Variants in NPAS3 observed in about 807,000 individuals in gnomAD.
The protein encoded by NPAS3 is neuronal PAS domain protein 3.
A neutral mutation model predicts 73.1 loss-of-function variants in NPAS3; 14 were observed. The observed-to-expected ratio is 0.19, with a 90% confidence interval of 0.13 to 0.30. NPAS3 has a LOEUF of 0.30. NPAS3 is among the 10% of genes least tolerant of loss of function. The pLI is 1.00. For missense variants in NPAS3, 1,096 were observed against 1,250.0 expected, an observed-to-expected ratio of 0.88 and a Z score of 1.86; for synonymous variants, 620 against 541.5, an observed-to-expected ratio of 1.14 and a Z score of -2.01.
At chr14:33,752,785 T>A (rs1489576403) in intron 7 of NPAS3, among the ~76,000 whole-genome samples, 1 of 152,170 alleles carries the variant, frequency 6.6e-6, no homozygotes, top group Non-Finnish European at 1.5e-5. Context: ...ATGCATAATA[T>A]GAAATTGAGT....
intron 4 of NPAS3, among the ~76,000 whole-genome samples, chr14:33,533,794 T>A (rs1404167685): frequency 6.8e-6 from 1 of 146,768 alleles, no homozygotes; most frequent in Non-Finnish European, 1.5e-5. Flanking sequence ...ATTGTGAGAA[T>A]TTTTTTAAGG....
chr14:33,620,535 TAGAG>T (rs1032005437), intron 5 of NPAS3, among the ~76,000 whole-genome samples: 1 of 152,160 alleles, frequency 6.6e-6, no homozygotes, highest in Non-Finnish European at 1.5e-5. Flanking sequence ...TATGCAAATA[TAGAG>T]AGAGACTGAT....
At chr14:33,453,433 G>A (rs1356398596) in intron 4 of NPAS3, among the ~76,000 whole-genome samples, 2 of 152,074 alleles carry the variant, frequency 1.3e-5, no homozygotes, top group African/African-American at 4.8e-5. Flanking sequence ...GTTTATAAAG[G>A]GCTTTGTGGG....
At chr14:33,036,883 A>G (rs1169620189) in intron 1 of NPAS3, among the ~76,000 whole-genome samples, 1 of 152,228 alleles carries the variant, frequency 6.6e-6, no homozygotes, top group East Asian at 1.9e-4. Context: ...GGCTACCTGC[A>G]CACAGATCTA....
At chr14:33,129,603 A>C (rs1031482897) in intron 2 of NPAS3, among the ~76,000 whole-genome samples, 1 of 152,136 alleles carries the variant, frequency 6.6e-6, no homozygotes, top group Non-Finnish European at 1.5e-5. Flanking sequence ...TCTTCCACAC[A>C]TTTTAGTCTA....
At position 33,484,946 on chromosome 14, in the gene NPAS3, C is replaced by G. The variant is rs139040268; in HGVS notation, c.469-75175C>G. 4.1e-3 allele frequency among the ~76,000 whole-genome samples: 628 copies of G among 152,240 alleles called. 3 individuals carry two copies. The highest frequency in any genetic ancestry group is 0.014 in the African/African-American group (597 of 41,544). On this transcript the variant is annotated intron_variant, in intron 4 of 11. Coordinates refer to ENST00000356141, the Ensembl canonical transcript of NPAS3. ...CGCATCACAGAGGGAGGAAACCCAG[C>G]TCATCGGGCACTTCAGTTGCTTTTA... is the stretch of plus-strand genomic sequence containing the variant.
At chr14:33,377,760 A>T (rs1434198245) in intron 4 of NPAS3, among the ~76,000 whole-genome samples, 1 of 152,166 alleles carries the variant, frequency 6.6e-6, no homozygotes, top group Non-Finnish European at 1.5e-5. Flanking sequence ...CTTGACTGAA[A>T]CTAGTGCAAT....
chr14:33,053,134 C>A (rs558297168), intron 1 of NPAS3, among the ~76,000 whole-genome samples: 2 of 152,044 alleles, frequency 1.3e-5, no homozygotes, highest in African/African-American at 4.8e-5. Context: ...AGGACTTGCC[C>A]GCTAATCTTT....
At chr14:33,296,325 C>T (rs145263053) in intron 3 of NPAS3, among the ~76,000 whole-genome samples, 46 of 152,230 alleles carry the variant, frequency 3.0e-4, no homozygotes, top group Non-Finnish European at 5.9e-4. Flanking sequence ...TGTACATGTA[C>T]ACACATCTAC....
intron 2 of NPAS3, among the ~76,000 whole-genome samples, chr14:33,090,648 C>A (rs1199403573): frequency 1.3e-5 from 2 of 152,158 alleles, no homozygotes; most frequent in Non-Finnish European, 2.9e-5. Context: ...CCAAGCAGAC[C>A]TAATAGACAT....
chr14:33,684,992 T>C (rs2060048622), intron 6 of NPAS3, among the ~76,000 whole-genome samples: 1 of 152,232 alleles, frequency 6.6e-6, no homozygotes, highest in South Asian at 2.1e-4. Context: ...AGTAGAAGAA[T>C]TAGCTTGAGG....
chr14:33,458,521 CCAG>C (rs1472519940), intron 4 of NPAS3, among the ~76,000 whole-genome samples: 1 of 152,098 alleles, frequency 6.6e-6, no homozygotes, highest in African/African-American at 2.4e-5. Flanking sequence ...TTTACTAAAT[CCAG>C]CAAAAATTAT....
At chr14:33,408,812 T>C (rs552644261) in intron 4 of NPAS3, among the ~76,000 whole-genome samples, 1 of 152,154 alleles carries the variant, frequency 6.6e-6, no homozygotes, top group South Asian at 2.1e-4. Context: ...GGATGAAGAG[T>C]TGCATATGGC....
chr14:33,415,164 A>G (rs2048096327), intron 4 of NPAS3, among the ~76,000 whole-genome samples: 1 of 152,128 alleles, frequency 6.6e-6, no homozygotes, highest in Admixed American at 6.6e-5. Context: ...TTCCCTCTAT[A>G]TGCTGCACTG....
At chr14:33,247,580 C>T (rs1048423664) in intron 3 of NPAS3, among the ~76,000 whole-genome samples, 3 of 152,034 alleles carry the variant, frequency 2.0e-5, no homozygotes, top group East Asian at 1.9e-4. Flanking sequence ...CTTGTAAATT[C>T]TTGCTACTTT....
chr14:33,516,551 G>T (rs2053307578), intron 4 of NPAS3, among the ~76,000 whole-genome samples: 1 of 152,154 alleles, frequency 6.6e-6, no homozygotes, highest in Non-Finnish European at 1.5e-5. Context: ...TCAGATCCCA[G>T]CTTGACCATC....
At chr14:33,754,609 C>T (rs7142231) in intron 7 of NPAS3, among the ~76,000 whole-genome samples, 9,937 of 152,184 alleles carry the variant, frequency 0.065, 1,030 homozygotes, top group African/African-American at 0.22. Flanking sequence ...GCATCCTCAT[C>T]CCCATCCCAC....
At chr14:33,127,417 AAATTACACTTAAT>A (rs2043467355) in intron 2 of NPAS3, among the ~76,000 whole-genome samples, 2 of 152,156 alleles carry the variant, frequency 1.3e-5, no homozygotes, top group East Asian at 1.9e-4. Context: ...TTGATGTGGT[AAATTACACTTAAT>A]GATGTTTGTA....
At chr14:33,115,332 T>A (rs1357093052) in intron 2 of NPAS3, among the ~76,000 whole-genome samples, 2 of 152,136 alleles carry the variant, frequency 1.3e-5, no homozygotes, top group Non-Finnish European at 2.9e-5. Context: ...GTAGGTGCAG[T>A]GAATTCAGGC....
Sources: gnomAD v4.1 joint callset for allele counts (sites outside exome capture counted in the v4.1 genomes callset) on GRCh38, gnomAD v4.1.1 for gene constraint, MANE v1.5 for transcripts, NCBI Gene and HGNC (gene_info 2026-07-23, HGNC 2026-07-21) for gene names.